ZNF493: variants seen among roughly 807,000 people sequenced by gnomAD.
ZNF493 encodes the protein zinc finger protein 493.
Under a neutral mutation model 12.2 loss-of-function variants are expected in ZNF493, and 11 were observed. That is an observed-to-expected ratio of 0.90 (90% CI 0.57 to 1.50). The LOEUF is 1.50. Ranked by LOEUF, ZNF493 falls within the 40% of genes most tolerant of loss-of-function variation. ZNF493 has a pLI of 0.00. For missense variants in ZNF493, 950 were observed against 906.6 expected, an observed-to-expected ratio of 1.05 and a Z score of -0.61; for synonymous variants, 286 against 302.6, an observed-to-expected ratio of 0.95 and a Z score of 0.57.
At chr19:21,414,559 A>T (rs145432494) in intron 3 of ZNF493, 1 of 152,248 alleles carries the variant, frequency 6.6e-6, no homozygotes, top group South Asian at 2.1e-4. Flanking sequence ...CCTAACTGCT[A>T]TTTGCAATTG....
At chr19:21,407,833 AC>A (rs2030184304) in intron 3 of ZNF493, 4 of 985,378 alleles carry the variant, frequency 4.1e-6, no homozygotes, top group Non-Finnish European at 4.8e-6. Context: ...TTATTCTGCC[AC>A]ATGCTTCCAG....
At chr19:21,400,381 G>A (rs1360529771) in intron 1 of ZNF493, among the ~76,000 whole-genome samples, 2 of 151,980 alleles carry the variant, frequency 1.3e-5, no homozygotes, top group East Asian at 3.9e-4. Context: ...CTGTACTCTG[G>A]CCTGGTGACA....
intron 3 of ZNF493, among the ~76,000 whole-genome samples, chr19:21,420,030 C>T (rs906439134): frequency 6.6e-6 from 1 of 152,158 alleles, no homozygotes; most frequent in Non-Finnish European, 1.5e-5. Context: ...CCCACAATAG[C>T]TTTGCCCCTA....
At chr19:21,398,679 TC>T in intron 1 of ZNF493, 1 of 346,272 alleles carries the variant, frequency 2.9e-6, no homozygotes, top group Non-Finnish European at 5.7e-6. Flanking sequence ...AGGGGAATCT[TC>T]CGGTGTACTC....
At chr19:21,408,411 G>T (rs1175253333) in intron 3 of ZNF493, 2 of 983,770 alleles carry the variant, frequency 2.0e-6, no homozygotes, top group East Asian at 2.3e-4. Context: ...TTACAGACGT[G>T]AGCCACCACC....
chr19:21,408,714 T>C (rs892231153), intron 3 of ZNF493: 1 of 985,166 alleles, frequency 1.0e-6, no homozygotes, highest in Admixed American at 6.2e-5. Flanking sequence ...GGTTATGTAT[T>C]ATAATTTTAG....
intron 1 of ZNF493, among the ~76,000 whole-genome samples, chr19:21,402,849 C>T (rs1189844726): frequency 6.6e-6 from 1 of 152,194 alleles, no homozygotes; most frequent in Non-Finnish European, 1.5e-5. Flanking sequence ...GTATCCAGAG[C>T]TATGACCACA....
At chr19:21,412,433 C>T (rs2030354665) in intron 3 of ZNF493, 1 of 152,756 alleles carries the variant, frequency 6.5e-6, no homozygotes, top group Non-Finnish European at 1.5e-5. Context: ...GGTGTTATGG[C>T]CATCATGAAC....
chr19:21,407,809 G>T (rs1450546755), intron 3 of ZNF493: 2 of 985,068 alleles, frequency 2.0e-6, no homozygotes, highest in East Asian at 1.1e-4. Flanking sequence ...GCTTTAAAAA[G>T]AATTCTTTTT....
In ZNF493 at chr19:21,423,065, A is replaced by T; in HGVS notation, c.406A>T (p.Lys136Ter). The change falls in exon 4 of 4, where the codon AAA becomes TAA. Residue 136 changes from lysine to a stop codon, truncating the protein, a stop_gained. Transcript: ENST00000392288. LOFTEE classifies it low-confidence loss of function (END_TRUNC). ...AAGTATGAATGAGTGTAATGTGCACAAAGAAGGTTATAATGAACTAAACCA... is the reference window on the plus strand; with the variant it reads ...AAGTATGAATGAGTGTAATGTGCACTAAGAAGGTTATAATGAACTAAACCA... The part of the protein sequence containing the change: ...CKSMNECNVH[K>*]EGYNELNQYL... 1 of 1,613,824 alleles carries T rather than the reference A, an allele frequency of 6.2e-7. No individual in the cohort carries two copies. The highest frequency in any genetic ancestry group is 8.5e-7 in the Non-Finnish European group (1 of 1,179,858).
intron 1 of ZNF493, chr19:21,398,718 A>C (rs1475446305): frequency 1.3e-5 from 3 of 239,900 alleles, no homozygotes; most frequent in Admixed American, 5.2e-5. Context: ...ACCCTTTGAA[A>C]TGTTAAAATT....
Position 21,426,045 on chromosome 19 carries a change from T to G in ZNF493, c.*1061T>G, listed in dbSNP as rs777819339. 2.7e-4 allele frequency: 120 copies of G among 452,814 alleles called. No individual in the cohort carries two copies. Among genetic ancestry groups the G allele is most frequent in the Admixed American group, 7.2e-4 (25 of 34,486 alleles). 28.0% of individuals were successfully genotyped at this position (452,814 alleles called of 1,614,324 possible). A position where few individuals can be genotyped will look rare whatever the true frequency, so the allele number is the denominator to read the frequency against. ...GATTGTGAAAAATATGGCAAAGGCT[T>G]TAACTAGTCCTCAGTTCTTAACACA... On this transcript the variant is annotated 3_prime_UTR_variant, in exon 4 of 4. Coordinates refer to ENST00000392288, the MANE Select transcript of ZNF493 (RefSeq NM_001076678.3).
At position 21,405,839 on chromosome 19, in the gene ZNF493, C is replaced by T. The variant is rs372282560; in HGVS notation, c.236C>T (p.Thr79Met). 1.1e-4 allele frequency: 168 copies of T among 1,516,884 alleles called. No individual in the cohort carries two copies. The highest frequency in any genetic ancestry group is 5.9e-4 in the East Asian group (22 of 37,478). 94.0% of individuals were successfully genotyped at this position (1,516,884 alleles called of 1,614,324 possible). Residue 79 changes from threonine (T) to methionine (M), a missense_variant, in exon 3 of 4, where the codon ACG (threonine) becomes ATG (methionine). Thr to Met is a moderately conservative substitution (Grantham distance 81). Transcript: ENST00000392288. Reference sequence around the variant, plus strand: ...CCCTGGAATATGAAGGGACACAGTACGGTAGTCAAACCCCCAGGTAGGTGA... The same window carrying T: ...CCCTGGAATATGAAGGGACACAGTATGGTAGTCAAACCCCCAGGTAGGTGA... Reference protein sequence around the residue: ...KDPWNMKGHSTVVKPPVICSH... With the variant: ...KDPWNMKGHSMVVKPPVICSH...
chr19:21,405,071 A>AT, intron 1 of ZNF493, 58 bp from the exon 2 acceptor site: 1 of 1,539,446 alleles, frequency 6.5e-7, no homozygotes. Context: ...CAAATGATAA[A>AT]TTTTGCCCAC....
In ZNF493 at chr19:21,423,722, T is replaced by C; in HGVS notation, c.1063T>C (p.Cys355Arg). The change falls in exon 4 of 4, where the codon TGC becomes CGC. Residue 355 changes from cysteine (C) to arginine (R), a missense_variant. Cys to Arg is a radical substitution (Grantham distance 180, BLOSUM62 -3). Transcript: ENST00000392288. The stretch of plus-strand genomic sequence containing the variant: ...GAAATCCCACAGATGTGAAGAATAT[T>C]GCAAAGCTTATAAGGAGTCCTCACA... ...EEKSHRCEEY[C>R]KAYKESSHLT... is the part of the protein sequence containing the mutation. The C allele has an allele frequency of 6.2e-7, 1 of 1,607,128 alleles. No individual in the cohort carries two copies. Among genetic ancestry groups the C allele is most frequent in the Non-Finnish European group, 8.5e-7 (1 of 1,177,744 alleles).
At chr19:21,419,866 A>G (rs77459268) in intron 3 of ZNF493, among the ~76,000 whole-genome samples, 2,138 of 152,210 alleles carry the variant, frequency 0.014, 38 homozygotes, top group South Asian at 0.025. Context: ...CTAGGGTGAG[A>G]GGGAAGAGAG....
At chr19:21,415,354 G>A (rs928473956) in intron 3 of ZNF493, among the ~76,000 whole-genome samples, 3 of 152,240 alleles carry the variant, frequency 2.0e-5, no homozygotes, top group Admixed American at 6.5e-5. Context: ...GGCATAGGTA[G>A]GAATGCCTAG....
intron 3 of ZNF493, among the ~76,000 whole-genome samples, chr19:21,421,496 G>C (rs935408325): frequency 6.6e-6 from 1 of 152,096 alleles, no homozygotes; most frequent in Non-Finnish European, 1.5e-5. Context: ...CTCCCAAGTA[G>C]ATGGGATTAC....
At chr19:21,407,899 G>A (rs2030186443) in intron 3 of ZNF493, 1 of 985,186 alleles carries the variant, frequency 1.0e-6, no homozygotes, top group Non-Finnish European at 1.2e-6. Flanking sequence ...TACTATTGGT[G>A]TCTGTGAATT....
Sources: gnomAD v4.1 joint callset for allele counts (sites outside exome capture counted in the v4.1 genomes callset) on GRCh38, gnomAD v4.1.1 for gene constraint, MANE v1.5 for transcripts, NCBI Gene and HGNC (gene_info 2026-07-23, HGNC 2026-07-21) for gene names.